Variants in PTPRD observed in about 807,000 individuals in gnomAD.
The protein encoded by PTPRD is receptor-type tyrosine-protein phosphatase delta.
In PTPRD, 34 loss-of-function variants were observed where a neutral mutation model predicts 214.5. The observed-to-expected ratio is 0.16, with a 90% confidence interval of 0.12 to 0.21. The LOEUF is 0.21. PTPRD is among the 10% of genes least tolerant of loss of function. PTPRD has a pLI of 1.00. For missense variants in PTPRD, 2,545 were observed against 2,398.7 expected (o/e 1.06, Z -1.27); for synonymous variants, 1,128 against 845.7 (o/e 1.33, Z -5.79).
chr9:9,361,494 T>C (rs918081618), intron 9 of PTPRD, among the ~76,000 whole-genome samples: 1 of 151,230 alleles, frequency 6.6e-6, no homozygotes, highest in African/African-American at 2.4e-5. Flanking sequence ...ACCATGGCTC[T>C]TTACTGCCAG....
chr9:8,340,733 T>C (rs1311723290), intron 41 of PTPRD, among the ~76,000 whole-genome samples: 1 of 149,510 alleles, frequency 6.7e-6, no homozygotes, highest in Non-Finnish European at 1.5e-5. Context: ...AATAGCTCAA[T>C]TTCATTGTCA....
At chr9:9,024,338 G>GTTTTTTTTTTTT (rs746383829) in intron 10 of PTPRD, among the ~76,000 whole-genome samples, 7 of 61,356 alleles carry the variant, frequency 1.1e-4, no homozygotes, top group East Asian at 1.1e-3. Flanking sequence ...TCGATTCTTT[G>GTTTTTTTTTTTT]TTTTTTTTTG....
chr9:8,424,687 A>G (rs201520779), intron 35 of PTPRD, among the ~76,000 whole-genome samples: 1 of 220 alleles, frequency 4.5e-3, no homozygotes, highest in Non-Finnish European at 8.1e-3. Context: ...GGGACTGGGA[A>G]GAAAAGGGAA....
intron 37 of PTPRD, among the ~76,000 whole-genome samples, chr9:8,381,140 G>A (rs180865587): frequency 1.9e-4 from 29 of 152,302 alleles, no homozygotes; most frequent in African/African-American, 6.7e-4. Context: ...TAGTAAGTTT[G>A]GGCAGAGTGG....
chr9:8,533,491 G>A (rs1037071902), intron 14 of PTPRD, among the ~76,000 whole-genome samples: 24 of 151,960 alleles, frequency 1.6e-4, no homozygotes, highest in African/African-American at 5.8e-4. Flanking sequence ...AAGTATACCT[G>A]AACACTTAGA....
At chr9:10,547,309 G>A (rs559387796) in intron 2 of PTPRD, among the ~76,000 whole-genome samples, 91 of 151,876 alleles carry the variant, frequency 6.0e-4, no homozygotes, top group African/African-American at 2.0e-3. Flanking sequence ...TCTTACCAAG[G>A]GTTTTTTTTT....
intron 5 of PTPRD, among the ~76,000 whole-genome samples, chr9:9,926,376 T>A (rs1450146119): frequency 3.3e-5 from 5 of 152,068 alleles, no homozygotes; most frequent in Non-Finnish European, 7.4e-5. Flanking sequence ...TTTAGTTGTA[T>A]TTGCCCAAAT....
At chr9:8,747,258 G>A (rs1381154243) in intron 11 of PTPRD, among the ~76,000 whole-genome samples, 1 of 152,002 alleles carries the variant, frequency 6.6e-6, no homozygotes, top group East Asian at 1.9e-4. Context: ...TTCACTAATA[G>A]CCCTCACTCA....
At chr9:9,424,857 T>C (rs73644719) in intron 8 of PTPRD, among the ~76,000 whole-genome samples, 3 of 152,310 alleles carry the variant, frequency 2.0e-5, no homozygotes, top group Non-Finnish European at 2.9e-5. Flanking sequence ...ATATATACTA[T>C]GATGGATTGG....
At chr9:10,195,404 T>C (rs962155535) in intron 3 of PTPRD, among the ~76,000 whole-genome samples, 5 of 152,272 alleles carry the variant, frequency 3.3e-5, no homozygotes, top group African/African-American at 9.6e-5. Context: ...ATAATCAAGA[T>C]TGCATTTCCT....
chr9:9,723,392 G>A (rs1319209225), intron 7 of PTPRD, among the ~76,000 whole-genome samples: 1 of 151,954 alleles, frequency 6.6e-6, no homozygotes, highest in Non-Finnish European at 1.5e-5. Flanking sequence ...GGCCAATTTT[G>A]TCTATGCTTG....
At chr9:9,467,213 C>CTTTTTTT (rs35659936) in intron 8 of PTPRD, among the ~76,000 whole-genome samples, 17 of 92,794 alleles carry the variant, frequency 1.8e-4, no homozygotes, top group East Asian at 3.6e-4. Context: ...GTTCATTTAT[C>CTTTTTTT]TTTTTTTTTT....
chr9:8,337,734 G>T (rs1266433190), intron 43 of PTPRD, among the ~76,000 whole-genome samples: 1 of 151,996 alleles, frequency 6.6e-6, no homozygotes, highest in Non-Finnish European at 1.5e-5. Flanking sequence ...AGTTGTGCAT[G>T]TGTGGAATAG....
At chr9:9,458,935 G>A (rs577793120) in intron 8 of PTPRD, among the ~76,000 whole-genome samples, 4 of 152,150 alleles carry the variant, frequency 2.6e-5, no homozygotes, top group South Asian at 4.1e-4. Flanking sequence ...GCAAGACCCT[G>A]TCTAAAAATG....
At chr9:8,361,026 T>C (rs1186569400) in intron 39 of PTPRD, among the ~76,000 whole-genome samples, 1 of 152,226 alleles carries the variant, frequency 6.6e-6, no homozygotes, top group African/African-American at 2.4e-5. Flanking sequence ...TTCAAACCTT[T>C]TTTTCTGTTT....
intron 9 of PTPRD, among the ~76,000 whole-genome samples, chr9:9,366,295 G>A (rs757461331): frequency 4.0e-5 from 6 of 151,558 alleles, no homozygotes; most frequent in African/African-American, 9.6e-5. Context: ...GAGGATTTAC[G>A]AGACGTTTTA....
At chr9:10,028,141 A>T (rs1339825437) in intron 4 of PTPRD, among the ~76,000 whole-genome samples, 3 of 152,124 alleles carry the variant, frequency 2.0e-5, no homozygotes, top group Non-Finnish European at 4.4e-5. Flanking sequence ...ACAAGATCTG[A>T]TGTTTTTTAA....
At chr9:10,540,668 C>G (rs2058907112) in intron 2 of PTPRD, among the ~76,000 whole-genome samples, 1 of 152,108 alleles carries the variant, frequency 6.6e-6, no homozygotes, top group Non-Finnish European at 1.5e-5. Context: ...AATCCACTGG[C>G]TAGGTGGATG....
intron 2 of PTPRD, among the ~76,000 whole-genome samples, chr9:10,350,341 C>A (rs1042182608): frequency 6.6e-6 from 1 of 152,062 alleles, no homozygotes; most frequent in Non-Finnish European, 1.5e-5. Flanking sequence ...CTAAACAATT[C>A]TGTTATCTAA....
Sources: allele counts gnomAD v4.1 joint callset (sites outside exome capture counted in the v4.1 genomes callset), GRCh38; gene constraint gnomAD v4.1.1; transcripts MANE v1.5; gene names NCBI Gene and HGNC (gene_info 2026-07-23, HGNC 2026-07-21).